TNKS: variants seen among roughly 807,000 people sequenced by gnomAD.
The protein encoded by TNKS is tankyrase.
TNKS carries 72 observed loss-of-function variants against 135.8 expected under a neutral mutation model. The observed-to-expected ratio is 0.53, with a 90% CI of 0.44 to 0.64. TNKS has a LOEUF of 0.64. TNKS is among the 30% of genes least tolerant of loss of function. TNKS has a pLI of 0.00. For missense variants in TNKS, 1,769 were observed against 1,674.0 expected (o/e 1.06, Z -0.99); for synonymous variants, 849 against 649.3 (o/e 1.31, Z -4.68).
intron 21 of TNKS, 37 bp from the exon 22 acceptor site, chr8:9,763,110 G>C: frequency 1.1e-6 from 1 of 937,892 alleles, no homozygotes; most frequent in Non-Finnish European, 1.6e-6. Flanking sequence ...GAGTAGTGTA[G>C]ACTTTTGTTT....
chr8:9,656,075 C>T (rs890711643), intron 3 of TNKS, among the ~76,000 whole-genome samples: 2 of 152,164 alleles, frequency 1.3e-5, no homozygotes, highest in African/African-American at 4.8e-5. Flanking sequence ...AAAACCACGG[C>T]ACGAGAACTA....
At chr8:9,680,611 A>G in intron 4 of TNKS, 114 bp from the exon 5 acceptor site, 1 of 684,242 alleles carries the variant, frequency 1.5e-6, no homozygotes, top group Non-Finnish European at 2.6e-6. Flanking sequence ...ATTGTGATCC[A>G]TGTAAAAGAA....
intron 3 of TNKS, among the ~76,000 whole-genome samples, chr8:9,658,766 T>C (rs1209136273): frequency 6.6e-6 from 1 of 152,082 alleles, no homozygotes; most frequent in Non-Finnish European, 1.5e-5. Context: ...GGCTAAATGC[T>C]CCAATTAAAA....
At chr8:9,660,321 C>T (rs568302782) in intron 3 of TNKS, among the ~76,000 whole-genome samples, 20 of 152,200 alleles carry the variant, frequency 1.3e-4, no homozygotes, top group East Asian at 1.2e-3. Flanking sequence ...TGATGAACAT[C>T]GATGCAAAAA....
chr8:9,630,303 T>C (rs4075359), intron 3 of TNKS, among the ~76,000 whole-genome samples: 89,315 of 152,030 alleles, frequency 0.59, 26,520 homozygotes, highest in Middle Eastern at 0.67. Context: ...AGCACTGTTA[T>C]ATTATAGCAG....
intron 5 of TNKS, among the ~76,000 whole-genome samples, chr8:9,691,621 T>C (rs1803275574): frequency 6.6e-6 from 1 of 152,226 alleles, no homozygotes; most frequent in Non-Finnish European, 1.5e-5. Context: ...CCCTGTTCCT[T>C]AGTTCCCTCA....
chr8:9,665,755 C>T (rs1801955188), intron 3 of TNKS, among the ~76,000 whole-genome samples: 1 of 152,166 alleles, frequency 6.6e-6, no homozygotes, highest in Non-Finnish European at 1.5e-5. Flanking sequence ...GATTCTTCAA[C>T]TCTCATGAAT....
At chr8:9,640,298 G>C (rs1290311594) in intron 3 of TNKS, among the ~76,000 whole-genome samples, 2 of 151,952 alleles carry the variant, frequency 1.3e-5, no homozygotes, top group African/African-American at 4.8e-5. Context: ...ACGGCAGACG[G>C]CAAGACAGAA....
chr8:9,605,471 GT>G (rs1396981937), intron 2 of TNKS, among the ~76,000 whole-genome samples: 6 of 151,868 alleles, frequency 4.0e-5, no homozygotes, highest in Non-Finnish European at 8.8e-5. Context: ...GGACACATGG[GT>G]TTTTGGTTTG....
chr8:9,572,189 AT>A (rs1400181970), intron 1 of TNKS, among the ~76,000 whole-genome samples: 1 of 152,208 alleles, frequency 6.6e-6, no homozygotes, highest in Non-Finnish European at 1.5e-5. Flanking sequence ...GATTTTGCAT[AT>A]CTGAGATTAA....
chr8:9,645,440 A>C (rs1203362344), intron 3 of TNKS, among the ~76,000 whole-genome samples: 1 of 152,154 alleles, frequency 6.6e-6, no homozygotes, highest in East Asian at 1.9e-4. Context: ...TGAAGGGATA[A>C]AGACACACAA....
At chr8:9,559,550 A>T (rs756608068) in intron 1 of TNKS, among the ~76,000 whole-genome samples, 3 of 151,944 alleles carry the variant, frequency 2.0e-5, no homozygotes, top group African/African-American at 7.3e-5. Flanking sequence ...TCACCTAGGC[A>T]ATGAGCATAG....
intron 1 of TNKS, among the ~76,000 whole-genome samples, chr8:9,576,798 T>C (rs1363865128): frequency 6.6e-6 from 1 of 152,086 alleles, no homozygotes; most frequent in Non-Finnish European, 1.5e-5. Context: ...CTAATATAGA[T>C]TGAACCATAT....
At chr8:9,704,152 T>C (rs1333370650) in intron 5 of TNKS, among the ~76,000 whole-genome samples, 1 of 152,224 alleles carries the variant, frequency 6.6e-6, no homozygotes, top group East Asian at 1.9e-4. Flanking sequence ...CATTGTCCTT[T>C]TTGTTTCCAT....
Position 9,778,079 on chromosome 8 carries a change from T to C in TNKS, c.*1343T>C, listed in dbSNP as rs1808306225. The stretch of plus-strand genomic sequence containing the variant: ...CAATGAAGGTGAGAAAGAAATACCA[T>C]ACAATTTTCTTTGTGAAATTACTGT... On this transcript the variant is annotated 3_prime_UTR_variant, in exon 27 of 27. Transcript: ENST00000310430. The C allele has an allele frequency of 6.6e-6, 1 of 152,612 alleles. No individual in the cohort carries two copies. Among genetic ancestry groups the C allele is most frequent in the Non-Finnish European group, 1.5e-5 (1 of 68,024 alleles). 9.5% of individuals were successfully genotyped at this position (152,612 alleles called of 1,614,324 possible).
intron 26 of TNKS, chr8:9,772,489 A>C: frequency 2.2e-6 from 1 of 449,542 alleles, no homozygotes; most frequent in South Asian, 1.6e-5. Flanking sequence ...TTCTTCAAAA[A>C]TGTTAATATT....
At chr8:9,734,111 A>G (rs967263875) in intron 15 of TNKS, among the ~76,000 whole-genome samples, 2 of 152,166 alleles carry the variant, frequency 1.3e-5, no homozygotes, top group African/African-American at 4.8e-5. Flanking sequence ...TATGATATCA[A>G]ATACATTCTT....
intron 24 of TNKS, 91 bp from the exon 25 acceptor site, chr8:9,766,148 A>G: frequency 3.7e-6 from 4 of 1,092,412 alleles, no homozygotes; most frequent in South Asian, 3.5e-5. Flanking sequence ...TTCATTTCTT[A>G]ATATTAACCT....
intron 3 of TNKS, among the ~76,000 whole-genome samples, chr8:9,618,947 A>G (rs183788581): frequency 6.6e-6 from 1 of 152,358 alleles, no homozygotes; most frequent in East Asian, 1.9e-4. Context: ...GACATTAAGT[A>G]CTTTTCTACA....
Sources: gnomAD v4.1 joint callset for allele counts (sites outside exome capture counted in the v4.1 genomes callset) on GRCh38, gnomAD v4.1.1 for gene constraint, MANE v1.5 for transcripts, NCBI Gene and HGNC (gene_info 2026-07-23, HGNC 2026-07-21) for gene names.